The following CFAP90 variants were observed in gnomAD, a reference collection of about 807,000 sequenced individuals.
CFAP90 encodes cilia- and flagella-associated protein 90.
chr5:7,831,721 C>G, the CFAP90 span: 2 of 883,836 alleles, frequency 2.3e-6, no homozygotes, highest in South Asian at 1.7e-5. Flanking sequence ...TGTAGAGATG[C>G]AACACAGGCA....
the CFAP90 span, among the ~76,000 whole-genome samples, chr5:7,837,282 G>A: frequency 1.8e-4 from 28 of 152,160 alleles, no homozygotes; most frequent in Middle Eastern, 3.4e-3. Flanking sequence ...GAATGCATGT[G>A]TTAGCTGGTC....
At chr5:7,849,187 G>A in the CFAP90 span, among the ~76,000 whole-genome samples, 11 of 152,262 alleles carry the variant, frequency 7.2e-5, no homozygotes, top group African/African-American at 2.6e-4. Flanking sequence ...CAATTCAACC[G>A]ACAGCAGTTG....
At chr5:7,841,441 G>A in the CFAP90 span, among the ~76,000 whole-genome samples, 1 of 152,170 alleles carries the variant, frequency 6.6e-6, no homozygotes, top group Non-Finnish European at 1.5e-5. Context: ...CCTAGAGGCA[G>A]AAATACCATT....
At chr5:7,841,345 G>A in the CFAP90 span, among the ~76,000 whole-genome samples, 1 of 152,110 alleles carries the variant, frequency 6.6e-6, no homozygotes, top group East Asian at 1.9e-4. Context: ...GTGAGGTTGT[G>A]GAGAAAAAGG....
the CFAP90 span, among the ~76,000 whole-genome samples, chr5:7,842,222 C>T: frequency 6.6e-6 from 1 of 151,714 alleles, no homozygotes; most frequent in Non-Finnish European, 1.5e-5. Context: ...AAACTGGGAC[C>T]CTAGTCCTTT....
At chr5:7,831,435 C>G in the CFAP90 span, 1 of 161,016 alleles carries the variant, frequency 6.2e-6, no homozygotes, top group South Asian at 1.9e-4. Context: ...GTGGGAAAAG[C>G]AACTGCACCT....
the CFAP90 span, among the ~76,000 whole-genome samples, chr5:7,839,614 C>T: frequency 6.6e-6 from 1 of 152,214 alleles, no homozygotes; most frequent in African/African-American, 2.4e-5. Context: ...CCTATTTCTT[C>T]TCATTCTAAT....
At chr5:7,833,573 C>T in the CFAP90 span, among the ~76,000 whole-genome samples, 1 of 152,094 alleles carries the variant, frequency 6.6e-6, no homozygotes, top group Non-Finnish European at 1.5e-5. Flanking sequence ...TATGCCCACA[C>T]ACAAACATAT....
the CFAP90 span, chr5:7,831,970 C>T: frequency 6.2e-7 from 1 of 1,614,080 alleles, no homozygotes; most frequent in African/African-American, 1.3e-5. Context: ...GCTCAATGGG[C>T]TGATTGATGC....
chr5:7,841,325 A>T, the CFAP90 span, among the ~76,000 whole-genome samples: 1 of 152,314 alleles, frequency 6.6e-6, no homozygotes, highest in South Asian at 2.1e-4. Flanking sequence ...TCAAAAAACA[A>T]CAGATGCTGG....
the CFAP90 span, among the ~76,000 whole-genome samples, chr5:7,849,947 C>T: frequency 6.6e-6 from 1 of 152,046 alleles, no homozygotes; most frequent in Non-Finnish European, 1.5e-5. Flanking sequence ...TGGGCGGCCC[C>T]GGCTTCCCGC....
At chr5:7,848,009 C>T in the CFAP90 span, among the ~76,000 whole-genome samples, 1 of 152,154 alleles carries the variant, frequency 6.6e-6, no homozygotes, top group Non-Finnish European at 1.5e-5. Context: ...CAAGTTAACA[C>T]AAAAACACTC....
At chr5:7,849,546 G>A in the CFAP90 span, among the ~76,000 whole-genome samples, 1 of 152,172 alleles carries the variant, frequency 6.6e-6, no homozygotes, top group Non-Finnish European at 1.5e-5. Flanking sequence ...CCCTGCCCCT[G>A]CATCTTGAGC....
the CFAP90 span, chr5:7,850,798 AGCC>A: frequency 4.3e-6 from 1 of 232,116 alleles, no homozygotes; most frequent in Non-Finnish European, 5.3e-6. Context: ...CCAGCCGCCC[AGCC>A]GCCCAGCCGC....
chr5:7,844,011 G>GACA, the CFAP90 span, among the ~76,000 whole-genome samples: 4 of 152,238 alleles, frequency 2.6e-5, no homozygotes, highest in African/African-American at 9.6e-5. Flanking sequence ...CTCACTCTCG[G>GACA]TGTTTCGTAC....
chr5:7,851,130 G>A, the CFAP90 span: 4 of 1,198,678 alleles, frequency 3.3e-6, no homozygotes, highest in African/African-American at 3.1e-5. Context: ...TCTAGCCCGC[G>A]TCTGTGTTCG....
the CFAP90 span, among the ~76,000 whole-genome samples, chr5:7,838,853 G>A: frequency 6.6e-6 from 1 of 152,206 alleles, no homozygotes; most frequent in East Asian, 1.9e-4. Flanking sequence ...TGAGAACCTT[G>A]TGGCAAAGTG....
the CFAP90 span, chr5:7,835,470 A>G: frequency 6.3e-7 from 1 of 1,594,880 alleles, no homozygotes; most frequent in East Asian, 2.2e-5. Context: ...CCTCTTAAAA[A>G]TACAATCATA....
the CFAP90 span, chr5:7,835,385 T>A: frequency 1.3e-6 from 2 of 1,549,288 alleles, no homozygotes. Context: ...ATATTACCTC[T>A]TCGTTAACAT....
Sources: allele counts gnomAD v4.1 joint callset (sites outside exome capture counted in the v4.1 genomes callset), GRCh38; gene constraint gnomAD v4.1.1; transcripts MANE v1.5; gene names NCBI Gene and HGNC (gene_info 2026-07-23, HGNC 2026-07-21).